The following COBLL1 variants were observed in gnomAD, a reference collection of about 807,000 sequenced individuals.
COBLL1 encodes the protein cordon-bleu WH2 repeat protein like 1.
A neutral mutation model predicts 94.8 loss-of-function variants in COBLL1; 50 were observed. That is an observed-to-expected ratio of 0.53 (90% confidence interval 0.42 to 0.67). The LOEUF is 0.67. Among genes scored for constraint, COBLL1 ranks in the 30% least tolerant of loss-of-function variants. COBLL1 has a pLI of 0.00. For missense variants in COBLL1, 1,362 were observed against 1,348.7 expected (o/e 1.01, Z -0.15); for synonymous variants, 448 against 473.8 (o/e 0.95, Z 0.71).
At chr2:164,826,348 CA>C (rs1474551884) in intron 2 of COBLL1, among the ~76,000 whole-genome samples, 1 of 152,168 alleles carries the variant, frequency 6.6e-6, no homozygotes, top group Non-Finnish European at 1.5e-5. Flanking sequence ...ACTTTCTAAC[CA>C]ACTTCATCCT....
At chr2:164,835,363 TACA>T (rs1321359884) in intron 2 of COBLL1, among the ~76,000 whole-genome samples, 1 of 152,190 alleles carries the variant, frequency 6.6e-6, no homozygotes, top group Non-Finnish European at 1.5e-5. Flanking sequence ...TGATATATAC[TACA>T]ACATGTATGA....
chr2:164,704,352 T>C, intron 9 of COBLL1, 92 bp downstream of exon 9: 1 of 867,910 alleles, frequency 1.2e-6, no homozygotes, highest in Non-Finnish European at 1.9e-6. Flanking sequence ...TGTATCTCTT[T>C]CATGTACAAA....
At chr2:164,798,958 T>C (rs931843306) in intron 2 of COBLL1, among the ~76,000 whole-genome samples, 4 of 133,688 alleles carry the variant, frequency 3.0e-5, no homozygotes, top group Non-Finnish European at 6.1e-5. Context: ...AGGCAGAGCT[T>C]GCAGTGAGCC....
chr2:164,749,623 A>G (rs1574515932), intron 2 of COBLL1, among the ~76,000 whole-genome samples: 3 of 152,196 alleles, frequency 2.0e-5, no homozygotes, highest in Admixed American at 1.3e-4. Context: ...ATTTGTTCAG[A>G]AGTGGGCATA....
intron 2 of COBLL1, among the ~76,000 whole-genome samples, chr2:164,753,630 G>A (rs374510175): frequency 3.4e-4 from 52 of 152,138 alleles, no homozygotes; most frequent in Middle Eastern, 3.4e-3. Flanking sequence ...TAGTGTGACT[G>A]AGGGACTACA....
chr2:164,838,980 A>T (rs1683454515), intron 2 of COBLL1, among the ~76,000 whole-genome samples: 2 of 152,254 alleles, frequency 1.3e-5, no homozygotes, highest in South Asian at 4.1e-4. Flanking sequence ...AATACTGAAT[A>T]TTAAATATTC....
chr2:164,827,757 T>C (rs562032520), intron 2 of COBLL1, among the ~76,000 whole-genome samples: 44 of 152,364 alleles, frequency 2.9e-4, no homozygotes, highest in African/African-American at 1.0e-3. Flanking sequence ...CAACCTGTTC[T>C]ATAAATAAAA....
downstream of COBLL1, among the ~76,000 whole-genome samples, chr2:164,678,281 C>A (rs886134671): frequency 6.6e-6 from 1 of 151,896 alleles, no homozygotes; most frequent in African/African-American, 2.4e-5. Context: ...AAAATAAAAG[C>A]CCCAAAATAG....
intron 1 of COBLL1, among the ~76,000 whole-genome samples, chr2:164,667,915 C>G (rs1338312065): frequency 2.0e-5 from 3 of 150,134 alleles, no homozygotes; most frequent in Non-Finnish European, 4.4e-5. Context: ...CACAACTTGG[C>G]TGTTTGGTAT....
chr2:164,748,921 G>T (rs1013211631), intron 2 of COBLL1, among the ~76,000 whole-genome samples: 2 of 151,980 alleles, frequency 1.3e-5, no homozygotes, highest in Non-Finnish European at 2.9e-5. Flanking sequence ...GGCAAAATTT[G>T]CATTATTCAA....
chr2:164,719,994 A>G (rs1000735493), intron 7 of COBLL1, among the ~76,000 whole-genome samples: 1 of 152,162 alleles, frequency 6.6e-6, no homozygotes, highest in African/African-American at 2.4e-5. Context: ...AGGAAGAAAA[A>G]GACAAATCAA....
At chr2:164,787,808 C>T (rs937583777) in intron 2 of COBLL1, among the ~76,000 whole-genome samples, 2 of 152,168 alleles carry the variant, frequency 1.3e-5, no homozygotes, top group African/African-American at 4.8e-5. Flanking sequence ...ATAATAATAG[C>T]TTCCCTGCTC....
At chr2:164,732,706 T>C (rs1025011981) in intron 3 of COBLL1, among the ~76,000 whole-genome samples, 2 of 152,222 alleles carry the variant, frequency 1.3e-5, no homozygotes, top group African/African-American at 4.8e-5. Context: ...TCTTCCAACA[T>C]CTTTTACTTC....
chr2:164,660,532 T>C lies in COBLL1; in HGVS notation n.181+5315A>G, dbSNP rs1414440779. 1.9e-4 allele frequency among the ~76,000 whole-genome samples: 29 copies of C among 152,140 alleles called. 1 individual carries two copies. Among genetic ancestry groups the C allele is most frequent in the Admixed American group, 1.8e-3 (28 of 15,262 alleles). On this transcript the variant is annotated intron_variant and non_coding_transcript_variant, in intron 2 of 2. Coordinates refer to the COBLL1 transcript ENST00000495084. ...AGAGGAGGAGACTCACAAAGTTCCA[T>C]TGAGGCCTCAGCTGAAAAACAAGCC...
intron 2 of COBLL1, among the ~76,000 whole-genome samples, chr2:164,823,958 C>T (rs1440770472): frequency 2.0e-5 from 3 of 152,114 alleles, no homozygotes; most frequent in African/African-American, 4.8e-5. Context: ...CATACACACA[C>T]GGTTTGCTAT....
At chr2:164,782,236 ACTT>A (rs1176766563) in intron 2 of COBLL1, among the ~76,000 whole-genome samples, 3 of 152,152 alleles carry the variant, frequency 2.0e-5, no homozygotes, top group East Asian at 1.9e-4. Context: ...CTTTATTACT[ACTT>A]CTTCTTAATT....
At chr2:164,796,277 C>T (rs1683451920) in intron 2 of COBLL1, among the ~76,000 whole-genome samples, 1 of 152,056 alleles carries the variant, frequency 6.6e-6, no homozygotes. Context: ...GACAAAGTAC[C>T]TGTACATGTT....
At chr2:164,794,566 A>G (rs1054507525) in intron 2 of COBLL1, among the ~76,000 whole-genome samples, 1 of 152,144 alleles carries the variant, frequency 6.6e-6, no homozygotes, top group African/African-American at 2.4e-5. Context: ...TAGAATTCTG[A>G]CATTTCGGTG....
At chr2:164,718,198 C>T in intron 7 of COBLL1, 1 of 945,866 alleles carries the variant, frequency 1.1e-6, no homozygotes, top group Non-Finnish European at 1.3e-6. Context: ...TTCTCTTGAA[C>T]ACCTACCATG....
Sources: gnomAD v4.1 joint callset for allele counts (sites outside exome capture counted in the v4.1 genomes callset) on GRCh38, gnomAD v4.1.1 for gene constraint, MANE v1.5 for transcripts, NCBI Gene and HGNC (gene_info 2026-07-23, HGNC 2026-07-21) for gene names.